AGAP1: variants seen among roughly 807,000 people sequenced by gnomAD.
AGAP1 encodes the protein ArfGAP with GTPase domain, ankyrin repeat and PH domain 1.
A neutral mutation model predicts 105.3 loss-of-function variants in AGAP1; 29 were observed. The ratio of observed to expected loss-of-function variants is 0.28; its 90% CI spans 0.21 to 0.38. The LOEUF (loss-of-function observed/expected upper bound fraction) is 0.38, where lower values mean the gene tolerates loss of function less well. Among genes scored for constraint, AGAP1 ranks in the 10% least tolerant of loss-of-function variants. The probability of loss-of-function intolerance (pLI) is 1.00; values close to 1 mark genes in which losing one functional copy is unlikely to be tolerated. For synonymous variants in AGAP1, 509 were observed against 485.9 expected, an observed-to-expected ratio of 1.05 and a Z score of -0.63; for missense variants, 998 against 1,165.1, an observed-to-expected ratio of 0.86 and a Z score of 2.09.
chr2:235,546,569 A>T (rs1028014922), intron 1 of AGAP1, among the ~76,000 whole-genome samples: 24 of 152,238 alleles, frequency 1.6e-4, no homozygotes, highest in African/African-American at 5.8e-4. Context: ...GGTGGTTTCC[A>T]TCCAGGGTTC....
At chr2:235,850,342 A>G (rs1041702887) in intron 9 of AGAP1, among the ~76,000 whole-genome samples, 7 of 152,278 alleles carry the variant, frequency 4.6e-5, no homozygotes, top group Non-Finnish European at 1.0e-4. Flanking sequence ...CTCTCTTCCA[A>G]TCTTGCTCTA....
chr2:236,095,861 G>T lies in AGAP1; in HGVS notation c.2115-24331G>T, dbSNP rs1287482941. Among the ~76,000 whole-genome samples the T allele has an allele frequency of 1.2e-4, 18 of 151,934 alleles. No individual in the cohort carries two copies. The highest frequency in any genetic ancestry group is 1.2e-3 in the Admixed American group (18 of 15,212). On this transcript the variant is annotated intron_variant, in intron 16 of 17. Transcript: ENST00000304032. The surrounding 1 kb of genome is among the most constrained non-coding windows in gnomAD (Gnocchi z 4.1). Reference sequence around the variant, plus strand: ...TTTGAGTTTTGCATCATGGCGCATAGCTGCTTTTTTCCTTTTAGGATGTGC... The same window carrying T: ...TTTGAGTTTTGCATCATGGCGCATATCTGCTTTTTTCCTTTTAGGATGTGC...
intron 6 of AGAP1, chr2:235,773,933 C>G (rs1457829282): frequency 2.1e-6 from 1 of 468,544 alleles, no homozygotes; most frequent in Admixed American, 2.4e-5. Flanking sequence ...TGAAGACAAT[C>G]AACTCTTCAT....
intron 1 of AGAP1, among the ~76,000 whole-genome samples, chr2:235,524,895 A>G (rs1259605155): frequency 6.6e-6 from 1 of 152,214 alleles, no homozygotes; most frequent in South Asian, 2.1e-4. Context: ...AAATTCTAGA[A>G]AAACTAATTC....
At chr2:235,946,560 A>G (rs1391957800) in intron 12 of AGAP1, among the ~76,000 whole-genome samples, 1 of 152,194 alleles carries the variant, frequency 6.6e-6, no homozygotes, top group African/African-American at 2.4e-5. Flanking sequence ...TTAAAAGAAA[A>G]TAAGTATAAA....
At chr2:235,881,246 T>C (rs1413878588) in intron 9 of AGAP1, among the ~76,000 whole-genome samples, 1 of 152,210 alleles carries the variant, frequency 6.6e-6, no homozygotes, top group Non-Finnish European at 1.5e-5. Context: ...AACTCAATTA[T>C]ATCCCATAAT....
Position 235,962,153 on chromosome 2 carries a change from A to C in AGAP1, c.1484-6309A>C, listed in dbSNP as rs2054218875. 6.6e-6 allele frequency among the ~76,000 whole-genome samples: 1 copy of C among 151,224 alleles called. No homozygotes were observed. Among genetic ancestry groups the C allele is most frequent in the Non-Finnish European group, 1.5e-5 (1 of 67,944 alleles). On this transcript the variant is annotated intron_variant, in intron 12 of 17. Transcript: ENST00000304032. This position sits in a 1 kb window ranked among gnomAD's most constrained non-coding sequence, Gnocchi z 5.3. ...CGTGGGGTGTTTGAAGCGGGAGGAG[A>C]AGCTTTGAAATAGCCCCTTGGAGAG...
At position 235,891,987 on chromosome 2, in the gene AGAP1, C is replaced by G. The variant is rs1482908742; in HGVS notation, c.1155+8538C>G. Among the ~76,000 whole-genome samples, 1 of 152,138 alleles carries G rather than the reference C, an allele frequency of 6.6e-6. No individual in the cohort carries two copies. Among genetic ancestry groups the G allele is most frequent in the Non-Finnish European group, 1.5e-5 (1 of 68,038 alleles). On this transcript the variant is annotated intron_variant, in intron 10 of 17. Transcript: ENST00000304032. The surrounding 1 kb of genome is among the most constrained non-coding windows in gnomAD (Gnocchi z 4.2). The stretch of plus-strand genomic sequence containing the variant: ...TGGCCAATATGGTGAAACCCCATCT[C>G]TACTAAAAATATAAAAACTAACCAG...
intron 1 of AGAP1, among the ~76,000 whole-genome samples, chr2:235,658,848 C>G (rs1014198407): frequency 1.3e-5 from 2 of 152,222 alleles, no homozygotes; most frequent in African/African-American, 4.8e-5. Context: ...CACCCTCCCC[C>G]TCGGAATACC....
At chr2:235,857,006 G>A (rs893124732) in intron 9 of AGAP1, among the ~76,000 whole-genome samples, 1 of 152,194 alleles carries the variant, frequency 6.6e-6, no homozygotes, top group Non-Finnish European at 1.5e-5. Context: ...TATTTAATGG[G>A]CCGGGATTTG....
rs565793021 is a variant in AGAP1 at position 235,963,133 on chromosome 2, A to G, written c.1484-5329A>G. ...GTGCTGTCTCCTTCCCAAGACTGCC[A>G]CTTAGCTGCTTCCTCCAGGTGAGTC... On this transcript the variant is annotated intron_variant, in intron 12 of 17. Coordinates refer to ENST00000304032, the MANE Select transcript of AGAP1 (RefSeq NM_001037131.3). The surrounding 1 kb of genome is among the most constrained non-coding windows in gnomAD (Gnocchi z 5.1). Among the ~76,000 whole-genome samples the G allele has an allele frequency of 1.3e-5, 2 of 152,288 alleles. No homozygotes were observed. Among genetic ancestry groups the G allele is most frequent in the South Asian group, 4.1e-4 (2 of 4,822 alleles).
In AGAP1 at chr2:235,549,279, CAG is replaced by C. The variant is rs1301616017; in HGVS notation, c.163+54431_163+54432del. On this transcript the variant is annotated intron_variant, in intron 1 of 17. Coordinates refer to ENST00000304032, the MANE Select transcript of AGAP1 (RefSeq NM_001037131.3). This position sits in a 1 kb window ranked among gnomAD's most constrained non-coding sequence, Gnocchi z 4.2. The stretch of plus-strand genomic sequence containing the variant: ...ACAAAGCTGGGGGGAACGTGGAGGA[CAG>C]GGATGACTGGAGAGAGCTGGCGAGT... Among the ~76,000 whole-genome samples, 1 of 152,170 alleles carries C rather than the reference CAG, an allele frequency of 6.6e-6. No homozygotes were observed. Among genetic ancestry groups the C allele is most frequent in the Non-Finnish European group, 1.5e-5 (1 of 68,024 alleles).
At position 235,608,121 on chromosome 2, in the gene AGAP1, C is replaced by T. The variant is rs1946008217; in HGVS notation, c.164-101058C>T. ...GTTGACCGGGTCGTTTTTAGCTTTG[C>T]CCACTTTTCATTTTTGGCTTCACAG... On this transcript the variant is annotated intron_variant, in intron 1 of 17. Transcript: ENST00000304032. This position sits in a 1 kb window ranked among gnomAD's most constrained non-coding sequence, Gnocchi z 5.4. 6.6e-6 allele frequency among the ~76,000 whole-genome samples: 1 copy of T among 151,688 alleles called. No homozygotes were observed. Among genetic ancestry groups the T allele is most frequent in the Non-Finnish European group, 1.5e-5 (1 of 67,952 alleles).
At position 235,759,090 on chromosome 2, in the gene AGAP1, G is replaced by A. The variant is rs147944263; in HGVS notation, c.673+8602G>A. ...ATTACAGGCATGAGCCATGGCACCC[G>A]GTCATATAAGGGGGTTTGATGCTGG... On this transcript the variant is annotated intron_variant, in intron 6 of 17. Transcript: ENST00000304032. 5.0e-3 allele frequency among the ~76,000 whole-genome samples: 764 copies of A among 151,988 alleles called. 7 individuals carry two copies. Among genetic ancestry groups the A allele is most frequent in the Middle Eastern group, 0.014 (4 of 294 alleles).
At chr2:235,975,699 G>T (rs756834674) in intron 13 of AGAP1, among the ~76,000 whole-genome samples, 47 of 152,150 alleles carry the variant, frequency 3.1e-4, no homozygotes, top group Admixed American at 2.4e-3. Flanking sequence ...TTTGGAGGTG[G>T]CTGGAGGGGA....
intron 12 of AGAP1, among the ~76,000 whole-genome samples, chr2:235,955,298 C>T (rs573386874): frequency 1.3e-5 from 2 of 152,260 alleles, no homozygotes; most frequent in African/African-American, 4.8e-5. Flanking sequence ...GGGGACCTCT[C>T]CATCAGCACG....
chr2:235,976,138 T>C lies in AGAP1; in HGVS notation c.1645+7515T>C, dbSNP rs1336356425. ...AAGGATATCAGGAGACTGGCTGGGT[T>C]TCATCACCCTTGGGCTGTCAGTGAT... On this transcript the variant is annotated intron_variant, in intron 13 of 17. Coordinates refer to ENST00000304032, the MANE Select transcript of AGAP1 (RefSeq NM_001037131.3). This position sits in a 1 kb window ranked among gnomAD's most constrained non-coding sequence, Gnocchi z 4.5. Among the ~76,000 whole-genome samples the C allele has an allele frequency of 6.6e-6, 1 of 152,164 alleles. No individual in the cohort carries two copies. The highest frequency in any genetic ancestry group is 1.5e-5 in the Non-Finnish European group (1 of 68,030).
At chr2:235,764,225 A>T (rs1399368978) in intron 6 of AGAP1, among the ~76,000 whole-genome samples, 3 of 152,230 alleles carry the variant, frequency 2.0e-5, no homozygotes, top group Non-Finnish European at 4.4e-5. Flanking sequence ...AGAAAAAGCA[A>T]AACTGCCAGT....
intron 6 of AGAP1, among the ~76,000 whole-genome samples, chr2:235,759,164 CTTTTTTTTTTTTT>C (rs560528348): frequency 9.6e-6 from 1 of 104,098 alleles, no homozygotes; most frequent in Non-Finnish European, 2.0e-5. Flanking sequence ...TGATGTCATT[CTTTTTTTTTTTTT>C]TTTTTTTTTG....
Sources: allele counts gnomAD v4.1 joint callset (sites outside exome capture counted in the v4.1 genomes callset), GRCh38; gene constraint gnomAD v4.1.1; non-coding constraint Gnocchi (gnomAD v3.1); transcripts MANE v1.5; gene names NCBI Gene and HGNC (gene_info 2026-07-23, HGNC 2026-07-21).